The following EPC2 variants were observed in gnomAD, a reference collection of about 807,000 sequenced individuals.
EPC2 encodes the protein enhancer of polycomb 2, also known as enhancer of polycomb homolog 2.
In EPC2, 14 loss-of-function variants were observed where a neutral mutation model predicts 92.1. The observed-to-expected ratio is 0.15, with a 90% CI of 0.10 to 0.24. The LOEUF (loss-of-function observed/expected upper bound fraction) is 0.24. Ranked by LOEUF, EPC2 falls within the 10% of genes least tolerant of loss-of-function variation. The pLI is 1.00. For synonymous variants in EPC2, 340 were observed against 334.7 expected (o/e 1.02, Z -0.17); for missense variants, 755 against 971.5 (o/e 0.78, Z 2.96).
At chr2:148,738,965 C>T (rs762283675) in intron 2 of EPC2, among the ~76,000 whole-genome samples, 2 of 152,094 alleles carry the variant, frequency 1.3e-5, no homozygotes, top group Non-Finnish European at 2.9e-5. Flanking sequence ...AGAGTCAGCC[C>T]CTGTGCTTAC....
chr2:148,662,069 C>T lies in EPC2; in HGVS notation c.153+16899C>T, dbSNP rs549082120. 1.1e-4 allele frequency among the ~76,000 whole-genome samples: 16 copies of T among 152,244 alleles called. No homozygotes were observed. In the South Asian group the frequency reaches 3.3e-3, roughly 32 times the overall value. ...CAGCCAAAAAACACATGAAAAAATG[C>T]TCATCATCACTGGCCATCAGAGAAA... On this transcript the variant is annotated intron_variant, in intron 1 of 13. Coordinates refer to ENST00000258484, the MANE Select transcript of EPC2 (RefSeq NM_015630.4).
chr2:148,687,743 G>T (rs1465259039), intron 1 of EPC2, among the ~76,000 whole-genome samples: 1 of 152,130 alleles, frequency 6.6e-6, no homozygotes, highest in African/African-American at 2.4e-5. Context: ...CTTGTCTATG[G>T]CATAGAAGCT....
In EPC2 at chr2:148,690,311, A is replaced by C; in HGVS notation, c.251A>C (p.Asn84Thr). 6 of 1,612,812 alleles carry C rather than the reference A, an allele frequency of 3.7e-6. No homozygotes were observed. Among genetic ancestry groups the C allele is most frequent in the Non-Finnish European group, 5.1e-6 (6 of 1,179,528 alleles). ...IPVPEAESNV[N>T]YYNRLYKGEF... is the part of the protein sequence containing the mutation. ...GTTCCTGAGGCAGAGAGCAACGTCA[A>C]CTATTACAATCGCTTGTACAAAGGA... The change falls in exon 2 of 14, where the codon AAC becomes ACC. Residue 84 changes from asparagine to threonine, a missense_variant. Transcript: ENST00000258484.
chr2:148,658,553 C>T (rs1404642672), intron 1 of EPC2, among the ~76,000 whole-genome samples: 5 of 150,406 alleles, frequency 3.3e-5, no homozygotes, highest in South Asian at 2.1e-4. Flanking sequence ...AGCAAGTAGG[C>T]GAATTTGCAA....
At chr2:148,740,006 A>C (rs936475907) in intron 2 of EPC2, among the ~76,000 whole-genome samples, 1 of 151,482 alleles carries the variant, frequency 6.6e-6, no homozygotes, top group Non-Finnish European at 1.5e-5. Flanking sequence ...CTTTATGTTG[A>C]GGTGGGAGGT....
chr2:148,695,750 A>G (rs1041934961), intron 2 of EPC2, among the ~76,000 whole-genome samples: 5 of 152,232 alleles, frequency 3.3e-5, no homozygotes, highest in Non-Finnish European at 7.3e-5. Flanking sequence ...TTCCAGGAAC[A>G]TCATTTTCTT....
intron 2 of EPC2, among the ~76,000 whole-genome samples, chr2:148,734,128 C>G (rs1403771302): frequency 6.6e-6 from 1 of 152,066 alleles, no homozygotes; most frequent in Non-Finnish European, 1.5e-5. Flanking sequence ...TATATGGACT[C>G]ACAGAATAAT....
intron 1 of EPC2, among the ~76,000 whole-genome samples, chr2:148,656,391 GATTA>G (rs760821348): frequency 2.9e-4 from 42 of 145,050 alleles, no homozygotes; most frequent in Admixed American, 5.2e-4. Flanking sequence ...AAAAAAGTCA[GATTA>G]ATTATTAAAA....
chr2:148,649,091 T>C (rs1399996412), intron 1 of EPC2, among the ~76,000 whole-genome samples: 1 of 152,226 alleles, frequency 6.6e-6, no homozygotes, highest in Non-Finnish European at 1.5e-5. Context: ...TAGTGGTAGT[T>C]GATGTTTTTA....
chr2:148,651,338 A>G (rs1389471281), intron 1 of EPC2, among the ~76,000 whole-genome samples: 1 of 152,158 alleles, frequency 6.6e-6, no homozygotes, highest in Non-Finnish European at 1.5e-5. Context: ...TGCTGACCAT[A>G]TCATTCCCCT....
At chr2:148,719,659 T>TAG (rs796449678) in intron 2 of EPC2, among the ~76,000 whole-genome samples, 5 of 152,282 alleles carry the variant, frequency 3.3e-5, no homozygotes, top group African/African-American at 1.2e-4. Context: ...AACACGCCTG[T>TAG]AGGGGGTGGT....
At chr2:148,680,811 C>T (rs1052476171) in intron 1 of EPC2, among the ~76,000 whole-genome samples, 1 of 152,114 alleles carries the variant, frequency 6.6e-6, no homozygotes, top group Non-Finnish European at 1.5e-5. Flanking sequence ...TATGTGTGAA[C>T]TCAGGGAATA....
At position 148,770,795 on chromosome 2, in the gene EPC2, C is replaced by G. The variant is rs764780426; in HGVS notation, c.1234C>G (p.Arg412Gly). The change falls in exon 9 of 14, where the codon CGT becomes GGT. Residue 412 changes from arginine (R) to glycine (G), a missense_variant. By Grantham distance (125) the Arg-to-Gly change is moderately radical (BLOSUM62 -2). Transcript: ENST00000258484. ...TTTGTTTTTTCTTTCTTTGCAGCCT[C>G]GTTTGGACCAAGCTAACCATTCATG... ...RRAGCQYYAP[R>G]LDQANHSCEN... The G allele has an allele frequency of 1.2e-6, 2 of 1,605,198 alleles. No individual in the cohort carries two copies. Among genetic ancestry groups the G allele is most frequent in the Non-Finnish European group, 1.7e-6 (2 of 1,177,792 alleles).
chr2:148,779,512 G>A (rs548316701), intron 10 of EPC2, among the ~76,000 whole-genome samples: 1 of 152,272 alleles, frequency 6.6e-6, no homozygotes, highest in African/African-American at 2.4e-5. Flanking sequence ...GAACCCAGGA[G>A]TTCAAGGCTG....
At chr2:148,646,579 CT>C (rs907284913) in intron 1 of EPC2, among the ~76,000 whole-genome samples, 40 of 130,336 alleles carry the variant, frequency 3.1e-4, no homozygotes, top group East Asian at 6.9e-4. Context: ...GCTGTGAGAA[CT>C]TTTTTTTTTG....
intron 10 of EPC2, among the ~76,000 whole-genome samples, chr2:148,774,454 C>T (rs1006714594): frequency 1.1e-4 from 16 of 150,958 alleles, no homozygotes; most frequent in African/African-American, 2.7e-4. Flanking sequence ...TGGCAAAACC[C>T]GGTTTCTACT....
chr2:148,738,371 A>G (rs1682810257), intron 2 of EPC2, among the ~76,000 whole-genome samples: 1 of 152,230 alleles, frequency 6.6e-6, no homozygotes, highest in Non-Finnish European at 1.5e-5. Flanking sequence ...GAGTCTAGGG[A>G]CAGACACACA....
chr2:148,761,683 T>G (rs1481401014), intron 4 of EPC2, 99 bp from the exon 5 acceptor site: 2 of 805,080 alleles, frequency 2.5e-6, no homozygotes, highest in Non-Finnish European at 3.6e-6. Context: ...ACATTTTACT[T>G]TTATAGGATA....
intron 2 of EPC2, among the ~76,000 whole-genome samples, chr2:148,695,256 G>A (rs1300412771): frequency 1.3e-5 from 2 of 152,216 alleles, no homozygotes; most frequent in Non-Finnish European, 2.9e-5. Context: ...GAAGAGTTCA[G>A]GAGAAAGGAT....
Sources: gnomAD v4.1 joint callset for allele counts (sites outside exome capture counted in the v4.1 genomes callset) on GRCh38, gnomAD v4.1.1 for gene constraint, MANE v1.5 for transcripts, NCBI Gene and HGNC (gene_info 2026-07-23, HGNC 2026-07-21) for gene names.